Variants in CNOT9 observed in about 807,000 individuals in gnomAD.
The protein encoded by CNOT9 is RCD1 required for cell differentiation1 homolog.
CNOT9 carries 8 observed loss-of-function variants against 37.4 expected under a neutral mutation model. That is an observed-to-expected ratio of 0.21 (90% CI 0.13 to 0.39). The LOEUF is 0.39. CNOT9 is among the 10% of genes least tolerant of loss of function. The pLI is 1.00. For synonymous variants in CNOT9, 120 were observed against 137.6 expected, an observed-to-expected ratio of 0.87 and a Z score of 0.90; for missense variants, 154 against 365.3, an observed-to-expected ratio of 0.42 and a Z score of 4.71.
Position 218,584,640 on chromosome 2 carries a change from CT to C in CNOT9, c.356del (p.Leu119CysfsTer29), listed in dbSNP as rs1694530795. 6.2e-7 allele frequency: 1 copy of C among 1,613,900 alleles called. No individual in the cohort carries two copies. Among genetic ancestry groups the C allele is most frequent in the Non-Finnish European group, 8.5e-7 (1 of 1,179,768 alleles). ...RSAFLAAHIP[L>X]FLYPFLHTVS... ...AGCGTTTCTCGCAGCACACATCCCA[CT>C]TTTTTTGTACCCCTTTTTGCACACT... On this transcript the variant is annotated frameshift_variant, in exon 4 of 8. Transcript: ENST00000273064. LOFTEE classifies it high-confidence loss of function.
intron 5 of CNOT9, among the ~76,000 whole-genome samples, chr2:218,588,969 A>G (rs927532481): frequency 6.6e-6 from 1 of 151,822 alleles, no homozygotes; most frequent in East Asian, 1.9e-4. Context: ...GTTCAACATC[A>G]GTTATGCTCT....
chr2:218,575,053 A>G (rs1694119760), intron 1 of CNOT9, among the ~76,000 whole-genome samples: 2 of 152,330 alleles, frequency 1.3e-5, no homozygotes, highest in African/African-American at 2.4e-5. Context: ...ATTATTTAAT[A>G]TAGTTCCTTC....
intron 2 of CNOT9, among the ~76,000 whole-genome samples, chr2:218,581,971 A>G (rs1015252089): frequency 1.3e-5 from 2 of 152,000 alleles, no homozygotes; most frequent in African/African-American, 2.4e-5. Flanking sequence ...AATCCCAGCT[A>G]CTTGGGAAGC....
Position 218,568,979 on chromosome 2 carries a change from G to C in CNOT9, c.24+1G>C. 1.2e-6 allele frequency: 2 copies of C among 1,611,518 alleles called. No individual in the cohort carries two copies. Among genetic ancestry groups the C allele is most frequent in the Non-Finnish European group, 1.7e-6 (2 of 1,178,888 alleles). ...CATGCACAGCCTGGCGACGGCTGCG[G>C]TGAGTGGCTGGGCCCCCAGGCTTGG... On this transcript the variant is annotated splice_donor_variant, in intron 1 of 7. Transcript: ENST00000273064. LOFTEE classifies it high-confidence loss of function.
chr2:218,570,105 A>G (rs977688505), intron 1 of CNOT9, among the ~76,000 whole-genome samples: 3 of 152,220 alleles, frequency 2.0e-5, no homozygotes, highest in African/African-American at 7.2e-5. Flanking sequence ...TTAAAGACTC[A>G]GATACTTTGC....
Position 218,594,395 on chromosome 2 carries a change from C to A in CNOT9, c.*119C>A. ...TAGACAACCTCAATGCTGAACCGCA[C>A]TGGAGAAAAGGGGCAAGGTACCCCT... On this transcript the variant is annotated 3_prime_UTR_variant, in exon 8 of 8. Transcript: ENST00000273064. 1 of 1,183,222 alleles carries A rather than the reference C, an allele frequency of 8.5e-7. No homozygotes were observed. Among genetic ancestry groups the A allele is most frequent in the Non-Finnish European group, 1.2e-6 (1 of 850,302 alleles). The allele number at this position is 1,183,222 out of a possible 1,614,324, so 73.3% of individuals were successfully genotyped here.
Position 218,580,715 on chromosome 2 carries a change from T to C in CNOT9, c.179T>C (p.Phe60Ser). Residue 60 changes from phenylalanine (F) to serine (S), a missense_variant, in exon 2 of 8, where the codon TTT becomes TCT. Transcript: ENST00000273064. Reference protein sequence around the residue: ...PDLAPMLWHSFGTIAALLQEI... With the variant: ...PDLAPMLWHSSGTIAALLQEI... ...CTTGCACCCATGCTGTGGCATTCAT[T>C]TGGTACTATTGCAGCACTTTTACAG... 6.2e-7 allele frequency: 1 copy of C among 1,613,998 alleles called. No individual in the cohort carries two copies. Among genetic ancestry groups the C allele is most frequent in the South Asian group, 1.1e-5 (1 of 91,046 alleles).
chr2:218,583,597 T>C (rs1694489836), intron 3 of CNOT9, among the ~76,000 whole-genome samples: 1 of 152,170 alleles, frequency 6.6e-6, no homozygotes, highest in Non-Finnish European at 1.5e-5. Flanking sequence ...ATCTAAAAAA[T>C]TAAGAAAAGG....
At position 218,592,438 on chromosome 2, in the gene CNOT9, C is replaced by A; in HGVS notation, c.639+36C>A. 6.4e-7 allele frequency: 1 copy of A among 1,552,878 alleles called. No individual in the cohort carries two copies. Among genetic ancestry groups the A allele is most frequent in the South Asian group, 1.1e-5 (1 of 89,794 alleles). ...TCATCTATCCCCTTTACAACTACTT[C>A]TCATCACAAAGCTTAATCTCTTTAT... is the stretch of plus-strand genomic sequence containing the variant. On this transcript the variant is annotated intron_variant, in intron 6 of 7. Coordinates refer to ENST00000273064, the MANE Select transcript of CNOT9 (RefSeq NM_005444.3). This position sits in a 1 kb window ranked among gnomAD's most constrained non-coding sequence, Gnocchi z 4.1.
intron 1 of CNOT9, among the ~76,000 whole-genome samples, chr2:218,575,381 TTTTTTC>T (rs1318824367): frequency 3.3e-5 from 5 of 150,046 alleles, no homozygotes; most frequent in African/African-American, 1.2e-4. Context: ...TTTTCTTTTC[TTTTTTC>T]TTTTTTTTTT....
At chr2:218,580,535 A>G in intron 1 of CNOT9, 26 bp from the exon 2 acceptor site, 1 of 1,572,008 alleles carries the variant, frequency 6.4e-7, no homozygotes, top group South Asian at 1.2e-5. Context: ...ATAAACTGAT[A>G]TTTACTTTCT....
chr2:218,583,100 G>A lies in CNOT9; in HGVS notation c.320+14G>A. ...TCCAGAAACCAGGTAAATGCTTTGG[G>A]TGAGTCACTTGGGGGAGATATACAT... is the stretch of plus-strand genomic sequence containing the variant. On this transcript the variant is annotated intron_variant, in intron 3 of 7. Transcript: ENST00000273064. The A allele has an allele frequency of 2.6e-6, 4 of 1,541,370 alleles. No homozygotes were observed.
At chr2:218,593,713 ATTAAG>A in intron 7 of CNOT9, 1 of 1,244,452 alleles carries the variant, frequency 8.0e-7, no homozygotes, top group Non-Finnish European at 1.0e-6. Context: ...ATTAAAATTC[ATTAAG>A]TTATCATAAG....
At chr2:218,580,851 T>C (rs2106086302) in intron 2 of CNOT9, 111 bp downstream of exon 2, 1 of 1,006,032 alleles carries the variant, frequency 9.9e-7, no homozygotes. Context: ...TTTAAAAAAC[T>C]GCATTTGTAA....
rs1010759233 is a variant in CNOT9 at position 218,595,231 on chromosome 2, C to G, written c.*955C>G. ...GTTTTCAAAGATATTTTCTCAATAA[C>G]TCTAAAAGGGAGGTGCTTGGGATTA... On this transcript the variant is annotated 3_prime_UTR_variant, in exon 8 of 8. Coordinates refer to ENST00000273064, the MANE Select transcript of CNOT9 (RefSeq NM_005444.3). 1 of 152,038 alleles carries G rather than the reference C, an allele frequency of 6.6e-6. No homozygotes were observed. The highest frequency in any genetic ancestry group is 2.4e-5 in the African/African-American group (1 of 41,406). The allele number at this position is 152,038 out of a possible 1,614,324, so 9.4% of individuals were successfully genotyped here.
rs772070764 is a variant in CNOT9, at chr2:218,584,593, A to G, written c.321-19A>G. On this transcript the variant is annotated intron_variant, in intron 3 of 7. Coordinates refer to ENST00000273064, the MANE Select transcript of CNOT9 (RefSeq NM_005444.3). ...GAAATCAACCCTGGGCTGTGAATGT[A>G]ATTATTGTTTTCTTCCAGGTCAGCG... is the stretch of plus-strand genomic sequence containing the variant. The G allele has an allele frequency of 2.6e-6, 4 of 1,565,892 alleles. No individual in the cohort carries two copies. Among genetic ancestry groups the G allele is most frequent in the South Asian group, 1.1e-5 (1 of 90,046 alleles).
At chr2:218,578,881 A>C (rs1272630219) in intron 1 of CNOT9, among the ~76,000 whole-genome samples, 1 of 152,216 alleles carries the variant, frequency 6.6e-6, no homozygotes, top group Non-Finnish European at 1.5e-5. Context: ...AAATATTCAA[A>C]TTTGGGGGGA....
Position 218,592,837 on chromosome 2 carries a change from CAGAACTT to C in CNOT9, c.731+134_731+140del. 1.4e-6 allele frequency: 1 copy of C among 703,732 alleles called. No individual in the cohort carries two copies. The highest frequency in any genetic ancestry group is 2.4e-6 in the Non-Finnish European group (1 of 413,788). 43.6% of individuals were successfully genotyped at this position (703,732 alleles called of 1,614,324 possible). On this transcript the variant is annotated intron_variant, in intron 7 of 7. Coordinates refer to ENST00000273064, the MANE Select transcript of CNOT9 (RefSeq NM_005444.3). This position sits in a 1 kb window ranked among gnomAD's most constrained non-coding sequence, Gnocchi z 4.1. ...ATAACTGCATTTAGTTTGTCTGAGA[CAGAACTT>C]AGATTCTTTTAAAAATCTGAAATGC...
chr2:218,592,122 G>A lies in CNOT9; in HGVS notation c.541-182G>A, dbSNP rs74832250. ...GAAAAAAAAACTGGTACAAAGTAAT[G>A]TTCAACATGGTAATATTTATTATTC... On this transcript the variant is annotated intron_variant, in intron 5 of 7. Coordinates refer to ENST00000273064, the MANE Select transcript of CNOT9 (RefSeq NM_005444.3). This position sits in a 1 kb window ranked among gnomAD's most constrained non-coding sequence, Gnocchi z 4.1. 7.2e-3 allele frequency among the ~76,000 whole-genome samples: 1,093 copies of A among 152,268 alleles called. 11 individuals are homozygous for A. Among genetic ancestry groups the A allele is most frequent in the African/African-American group, 0.025 (1,044 of 41,542 alleles).
Sources: gnomAD v4.1 joint callset for allele counts (sites outside exome capture counted in the v4.1 genomes callset) on GRCh38, gnomAD v4.1.1 for gene constraint, Gnocchi (gnomAD v3.1) non-coding constraint, MANE v1.5 for transcripts, NCBI Gene and HGNC (gene_info 2026-07-23, HGNC 2026-07-21) for gene names.